Variants in PHKB observed in about 807,000 individuals in gnomAD.
PHKB encodes phosphorylase kinase regulatory subunit beta.
Under a neutral mutation model 152.1 loss-of-function variants are expected in PHKB, and 122 were observed. The observed-to-expected ratio is 0.80, with a 90% CI of 0.69 to 0.93. The LOEUF is 0.93. Ranked by LOEUF, PHKB falls within the 40% of genes least tolerant of loss-of-function variation. The pLI is 0.00. For synonymous variants in PHKB, 436 were observed against 464.9 expected (o/e 0.94, Z 0.80); for missense variants, 1,304 against 1,328.4 (o/e 0.98, Z 0.29).
At chr16:47,570,537 C>A (rs1971640171) in intron 7 of PHKB, among the ~76,000 whole-genome samples, 1 of 152,024 alleles carries the variant, frequency 6.6e-6, no homozygotes, top group African/African-American at 2.4e-5. Context: ...TGCCTTCAGA[C>A]TCTGAAATTC....
intron 1 of PHKB, among the ~76,000 whole-genome samples, chr16:47,496,013 G>A (rs1306154017): frequency 2.0e-5 from 3 of 151,606 alleles, no homozygotes; most frequent in Admixed American, 6.6e-5. Context: ...TACTATCTGC[G>A]TAAACATAAA....
chr16:47,654,366 AG>A (rs1973294297), intron 20 of PHKB, among the ~76,000 whole-genome samples: 1 of 152,220 alleles, frequency 6.6e-6, no homozygotes, highest in Non-Finnish European at 1.5e-5. Flanking sequence ...ACTGTAAACT[AG>A]TTCAACCATT....
At chr16:47,680,617 C>T (rs1973832855) in intron 26 of PHKB, among the ~76,000 whole-genome samples, 1 of 151,864 alleles carries the variant, frequency 6.6e-6, no homozygotes, top group African/African-American at 2.4e-5. Flanking sequence ...TGGTGATATC[C>T]CCTTTGTCCT....
intron 14 of PHKB, among the ~76,000 whole-genome samples, chr16:47,638,591 T>G (rs1972961843): frequency 1.3e-5 from 2 of 152,252 alleles, no homozygotes; most frequent in South Asian, 4.1e-4. Flanking sequence ...TCAGTCACTT[T>G]TTTTAAATGA....
At chr16:47,542,937 C>T (rs1047168440) in intron 6 of PHKB, among the ~76,000 whole-genome samples, 2 of 152,218 alleles carry the variant, frequency 1.3e-5, no homozygotes, top group Non-Finnish European at 2.9e-5. Flanking sequence ...ACAATCATGT[C>T]ATCTGCAAAC....
intron 6 of PHKB, among the ~76,000 whole-genome samples, chr16:47,534,910 T>C (rs891283002): frequency 1.3e-5 from 2 of 152,316 alleles, no homozygotes; most frequent in South Asian, 2.1e-4. Flanking sequence ...ATAAAATTTA[T>C]TGAGGTCATA....
chr16:47,608,822 TC>T (rs1266426985), intron 13 of PHKB, among the ~76,000 whole-genome samples: 2 of 152,228 alleles, frequency 1.3e-5, no homozygotes, highest in African/African-American at 4.8e-5. Flanking sequence ...TCTGTCTCTA[TC>T]CTTATGCTAA....
At chr16:47,585,120 T>C (rs756013404) in intron 8 of PHKB, among the ~76,000 whole-genome samples, 3 of 152,210 alleles carry the variant, frequency 2.0e-5, no homozygotes, top group Non-Finnish European at 2.9e-5. Context: ...AAAACAATTA[T>C]AGAAACTTGG....
chr16:47,577,163 A>G (rs1013749728), intron 7 of PHKB, among the ~76,000 whole-genome samples: 7 of 151,872 alleles, frequency 4.6e-5, no homozygotes, highest in South Asian at 2.1e-4. Context: ...TGATTTATCA[A>G]TAGTGGTTTT....
intron 7 of PHKB, among the ~76,000 whole-genome samples, chr16:47,556,480 C>G (rs143634353): frequency 1.3e-5 from 2 of 152,112 alleles, no homozygotes; most frequent in Non-Finnish European, 1.5e-5. Flanking sequence ...TAGCATGAAG[C>G]GTTGTTGAAT....
intron 27 of PHKB, 28 bp downstream of exon 27, chr16:47,689,203 G>T: frequency 6.2e-7 from 1 of 1,603,400 alleles, no homozygotes; most frequent in South Asian, 1.1e-5. Context: ...TTACCTACAT[G>T]ATACTCTGGA....
At chr16:47,594,364 G>A in intron 12 of PHKB, 150 bp downstream of exon 12, 1 of 637,390 alleles carries the variant, frequency 1.6e-6, no homozygotes, top group Admixed American at 2.6e-5. Flanking sequence ...AGAAGATTAA[G>A]CAAGACAAAG....
chr16:47,494,600 T>A (rs1468147843), intron 1 of PHKB, among the ~76,000 whole-genome samples: 1 of 152,254 alleles, frequency 6.6e-6, no homozygotes, highest in Non-Finnish European at 1.5e-5. Context: ...TGCTCTGAGC[T>A]ATTTTTCTCC....
At chr16:47,464,677 C>A (rs1567267489) in intron 1 of PHKB, among the ~76,000 whole-genome samples, 1 of 152,160 alleles carries the variant, frequency 6.6e-6, no homozygotes, top group South Asian at 2.1e-4. Flanking sequence ...AGCAACCAGG[C>A]CTTTGGATGT....
chr16:47,634,441 C>G, intron 14 of PHKB, among the ~76,000 whole-genome samples: 1 of 152,178 alleles, frequency 6.6e-6, no homozygotes, highest in East Asian at 1.9e-4. Context: ...CCAGCTAGAT[C>G]AAGTTCCCTG....
At chr16:47,573,781 T>G (rs2151689280) in intron 7 of PHKB, among the ~76,000 whole-genome samples, 1 of 152,312 alleles carries the variant, frequency 6.6e-6, no homozygotes, top group South Asian at 2.1e-4. Context: ...TAGATTAGAT[T>G]GCTTATTTTA....
intron 6 of PHKB, among the ~76,000 whole-genome samples, chr16:47,522,330 T>C (rs1333197770): frequency 6.6e-6 from 1 of 152,130 alleles, no homozygotes; most frequent in Non-Finnish European, 1.5e-5. Flanking sequence ...TGTTGGCACA[T>C]ATTAGTTCAT....
chr16:47,634,280 CT>C (rs752894765), intron 14 of PHKB, among the ~76,000 whole-genome samples: 5 of 152,144 alleles, frequency 3.3e-5, no homozygotes, highest in Non-Finnish European at 7.3e-5. Context: ...TACATGCCCT[CT>C]TTTGTTTGAT....
At chr16:47,511,179 A>C (rs1013447119) in intron 4 of PHKB, among the ~76,000 whole-genome samples, 5 of 152,224 alleles carry the variant, frequency 3.3e-5, no homozygotes, top group Admixed American at 6.5e-5. Flanking sequence ...AAGCATGTTA[A>C]CAGTAGCATA....
Sources: gnomAD v4.1 joint callset for allele counts (sites outside exome capture counted in the v4.1 genomes callset) on GRCh38, gnomAD v4.1.1 for gene constraint, MANE v1.5 for transcripts, NCBI Gene and HGNC (gene_info 2026-07-23, HGNC 2026-07-21) for gene names.